The following XDH variants were observed in gnomAD, a reference collection of about 807,000 sequenced individuals.
The protein encoded by XDH is xanthine dehydrogenase/oxidase.
XDH carries 138 observed loss-of-function variants against 156.1 expected under a neutral mutation model. The ratio of observed to expected loss-of-function variants is 0.88; its 90% CI spans 0.77 to 1.02. The LOEUF (loss-of-function observed/expected upper bound fraction) is 1.02. Among genes scored for constraint, XDH ranks in the 50% least tolerant of loss-of-function variants. The pLI, the probability that XDH is intolerant of heterozygous loss-of-function variation, is 0.00. For missense variants in XDH, 1,849 were observed against 1,684.9 expected (o/e 1.10, Z -1.71); for synonymous variants, 669 against 625.7 (o/e 1.07, Z -1.03).
In XDH at chr2:31,339,570, C is replaced by T. The variant is rs201405596; in HGVS notation, c.3693G>A (p.Pro1231=). The change falls in exon 34 of 36, where the codon CCG becomes CCA. Residue 1231 remains proline (P), a synonymous_variant. Transcript: ENST00000379416. The stretch of plus-strand genomic sequence containing the variant: ...ACTCAATGGGGATGCTGCCAAATGC[C>T]GGGATCTTGTAGGTGCTAGGGCCAC... The part of the protein sequence containing the change: ...HTRGPSTYKI[P]AFGSIPIEFR... The T allele has an allele frequency of 2.8e-5, 46 of 1,614,176 alleles. No individual in the cohort carries two copies. Among genetic ancestry groups the T allele is most frequent in the Middle Eastern group, 1.6e-4 (1 of 6,062 alleles).
intron 6 of XDH, 132 bp downstream of exon 6, chr2:31,397,536 G>T: frequency 9.0e-7 from 1 of 1,112,540 alleles, no homozygotes; most frequent in Non-Finnish European, 1.4e-6. Flanking sequence ...TCCCCAGAGG[G>T]AAGACTCACT....
intron 2 of XDH, among the ~76,000 whole-genome samples, chr2:31,405,382 CA>C (rs11323608): frequency 0.02 from 2,980 of 152,228 alleles, 86 homozygotes; most frequent in African/African-American, 0.067. Flanking sequence ...AGCAGCACCC[CA>C]GTCTTTCTAA....
intron 34 of XDH, among the ~76,000 whole-genome samples, chr2:31,338,658 C>T (rs1685036377): frequency 6.8e-6 from 1 of 146,624 alleles, no homozygotes; most frequent in South Asian, 2.2e-4. Flanking sequence ...TTTTTTCATA[C>T]TTACTGCAGA....
At chr2:31,406,009 T>A (rs1467617745) in intron 1 of XDH, 45 bp from the exon 2 acceptor site, 2 of 1,596,908 alleles carry the variant, frequency 1.3e-6, no homozygotes, top group Non-Finnish European at 8.6e-7. Flanking sequence ...GTATACTTAG[T>A]CATCTTTCTG....
Position 31,370,348 on chromosome 2 carries a change from G to C in XDH, c.1980+7C>G, listed in dbSNP as rs984282001. On this transcript the variant is annotated splice_region_variant and intron_variant, in intron 18 of 35. Coordinates refer to ENST00000379416, the MANE Select transcript of XDH (RefSeq NM_000379.4). ...ATTTACTTCATATAAAAAAATCCAAGACTTACCTTATCCTTCGCAAAGACT... is the reference window on the plus strand; with the variant it reads ...ATTTACTTCATATAAAAAAATCCAACACTTACCTTATCCTTCGCAAAGACT... 6 of 1,613,958 alleles carry C rather than the reference G, an allele frequency of 3.7e-6. No individual in the cohort carries two copies. In the African/African-American group the frequency reaches 8.0e-5, roughly 22 times the overall value.
At chr2:31,354,541 A>G (rs1685575206) in intron 24 of XDH, among the ~76,000 whole-genome samples, 2 of 152,200 alleles carry the variant, frequency 1.3e-5, no homozygotes, top group Admixed American at 6.5e-5. Context: ...GACAGAAATA[A>G]AAAGCTTCTG....
intron 10 of XDH, among the ~76,000 whole-genome samples, chr2:31,383,478 C>T (rs1686497051): frequency 6.6e-6 from 1 of 151,994 alleles, no homozygotes; most frequent in Non-Finnish European, 1.5e-5. Flanking sequence ...AGGCACAATC[C>T]CCACCTCCCC....
At position 31,411,015 on chromosome 2, in the gene XDH, T is replaced by G. The variant is rs917289142; in HGVS notation, c.42+3610A>C. 1.3e-4 allele frequency among the ~76,000 whole-genome samples: 20 copies of G among 152,282 alleles called. 1 individual carries two copies. The East Asian group carries it at 3.9e-3, about 29-fold the overall frequency. On this transcript the variant is annotated intron_variant, in intron 1 of 35. Transcript: ENST00000379416. ...ATATATTTATTCTGGCCAGGCGCGG[T>G]GGCTCACGCCTGTAATACCAGCACT...
At chr2:31,362,008 A>T (rs34525014) in intron 24 of XDH, among the ~76,000 whole-genome samples, 4,221 of 152,052 alleles carry the variant, frequency 0.028, 74 homozygotes, top group East Asian at 0.079. Flanking sequence ...GATATTTTAA[A>T]CTCCTTAAAT....
chr2:31,387,927 C>T (rs762986629), intron 7 of XDH, 30 bp from the exon 8 acceptor site: 2 of 1,555,188 alleles, frequency 1.3e-6, no homozygotes, highest in African/African-American at 1.4e-5. Flanking sequence ...GTAGGTGATG[C>T]AGTATCTCCT....
intron 35 of XDH, 25 bp downstream of exon 35, chr2:31,337,616 A>G: frequency 6.2e-7 from 1 of 1,613,456 alleles, no homozygotes; most frequent in Non-Finnish European, 8.5e-7. Flanking sequence ...CCCTGGACTG[A>G]GTGGATGCTT....
intron 35 of XDH, 111 bp from the exon 36 acceptor site, chr2:31,336,119 AC>A: frequency 8.7e-7 from 1 of 1,148,016 alleles, no homozygotes; most frequent in Non-Finnish European, 1.3e-6. Flanking sequence ...AAGGCCAAGC[AC>A]CACTCTGCAG....
chr2:31,402,947 A>G, intron 3 of XDH, 101 bp downstream of exon 3: 2 of 1,279,518 alleles, frequency 1.6e-6, no homozygotes, highest in Non-Finnish European at 2.3e-6. Flanking sequence ...GGGCTCACAC[A>G]TGCGCACATG....
At chr2:31,414,478 G>A in intron 1 of XDH, 147 bp downstream of exon 1, 1 of 1,197,278 alleles carries the variant, frequency 8.4e-7, no homozygotes, top group Non-Finnish European at 1.2e-6. Context: ...TTACCAAAAT[G>A]CAGCGACACC....
At chr2:31,370,864 G>A (rs1378746356) in intron 17 of XDH, among the ~76,000 whole-genome samples, 1 of 152,160 alleles carries the variant, frequency 6.6e-6, no homozygotes, top group Non-Finnish European at 1.5e-5. Flanking sequence ...GAAGAAGGCA[G>A]GCCAGGCCTC....
rs1246141543 is a variant in XDH, at chr2:31,377,199, T to G, written c.1281A>C (p.Arg427Ser). The G allele has an allele frequency of 2.5e-6, 4 of 1,613,950 alleles. No individual in the cohort carries two copies. Among genetic ancestry groups the G allele is most frequent in the Non-Finnish European group, 3.4e-6 (4 of 1,180,024 alleles). ...YFSAFKQASR[R>S]EDDIAKVTSG... ...TGGTTACCTTGGCAATGTCATCTTC[T>G]CTCCGGGAGGCCTGCTTGAATGCTG... The change falls in exon 14 of 36, where the codon AGA (arginine) becomes AGC (serine). Residue 427 changes from arginine (R) to serine (S), a missense_variant. Coordinates refer to ENST00000379416, the MANE Select transcript of XDH (RefSeq NM_000379.4).
chr2:31,342,298 C>T lies in XDH; in HGVS notation c.3405-1G>A. ...AAAGCTGTAGCCCAGATTGGGTGTT[C>T]TGGGAGAGGAAAGAGAAGGTACTGC... On this transcript the variant is annotated splice_acceptor_variant, in intron 31 of 35. Transcript: ENST00000379416. LOFTEE classifies it high-confidence loss of function. 1 of 1,613,234 alleles carries T rather than the reference C, an allele frequency of 6.2e-7. No homozygotes were observed. Among genetic ancestry groups the T allele is most frequent in the Non-Finnish European group, 8.5e-7 (1 of 1,179,444 alleles).
chr2:31,364,190 T>G lies in XDH; in HGVS notation c.2599A>C (p.Asn867His). 1 of 1,614,142 alleles carries G rather than the reference T, an allele frequency of 6.2e-7. No individual in the cohort carries two copies. Among genetic ancestry groups the G allele is most frequent in the Non-Finnish European group, 8.5e-7 (1 of 1,180,016 alleles). ...GAGAGATCCTGGGTGTTCCCCACATTGCTGAAGTGGTCCACCTCAAGAGCC... is the reference window on the plus strand; with the variant it reads ...GAGAGATCCTGGGTGTTCCCCACATGGCTGAAGTGGTCCACCTCAAGAGCC... ...VVALEVDHFS[N>H]VGNTQDLSQS... is the part of the protein sequence containing the mutation. Residue 867 changes from asparagine to histidine, a missense_variant, in exon 24 of 36, where the codon AAT becomes CAT. Coordinates refer to ENST00000379416, the MANE Select transcript of XDH (RefSeq NM_000379.4).
intron 30 of XDH, among the ~76,000 whole-genome samples, chr2:31,345,527 G>A (rs563105410): frequency 1.2e-4 from 18 of 152,236 alleles, no homozygotes; most frequent in African/African-American, 1.9e-4. Flanking sequence ...TGTGTCACAC[G>A]CGCTATTTAG....
Sources: gnomAD v4.1 joint callset for allele counts (sites outside exome capture counted in the v4.1 genomes callset) on GRCh38, gnomAD v4.1.1 for gene constraint, MANE v1.5 for transcripts, NCBI Gene and HGNC (gene_info 2026-07-23, HGNC 2026-07-21) for gene names.